PHACTR3: variants seen among roughly 807,000 people sequenced by gnomAD.
PHACTR3 encodes phosphatase and actin regulator 3.
PHACTR3 carries 16 observed loss-of-function variants against 66.8 expected under a neutral mutation model. The observed-to-expected ratio is 0.24, with a 90% CI of 0.16 to 0.36. The LOEUF (loss-of-function observed/expected upper bound fraction) is 0.36, where lower values mean the gene tolerates loss of function less well. Among genes scored for constraint, PHACTR3 ranks in the 10% least tolerant of loss-of-function variants. The pLI, the probability that PHACTR3 is intolerant of heterozygous loss-of-function variation, is 1.00. For missense variants in PHACTR3, 647 were observed against 719.9 expected (o/e 0.90, Z 1.16); for synonymous variants, 323 against 292.1 (o/e 1.11, Z -1.08).
Position 59,847,187 on chromosome 20 carries a change from C to G in PHACTR3, c.*57C>G, listed in dbSNP as rs2059165970. 3 of 1,316,724 alleles carry G rather than the reference C, an allele frequency of 2.3e-6. No individual in the cohort carries two copies. Among genetic ancestry groups the G allele is most frequent in the South Asian group, 2.5e-5 (2 of 78,648 alleles). The allele number at this position is 1,316,724 out of a possible 1,614,324, so 81.6% of individuals were successfully genotyped here. On this transcript the variant is annotated 3_prime_UTR_variant, in exon 13 of 13. Coordinates refer to ENST00000371015, the MANE Select transcript of PHACTR3 (RefSeq NM_080672.5). ...TTTTTTGATACCAACACTGAACATTCATCAGGGAACTTTCCTGAAGTTCAG... is the reference window on the plus strand; with the variant it reads ...TTTTTTGATACCAACACTGAACATTGATCAGGGAACTTTCCTGAAGTTCAG...
At chr20:59,585,167 T>G (rs1039203665) in intron 1 of PHACTR3, among the ~76,000 whole-genome samples, 1 of 152,156 alleles carries the variant, frequency 6.6e-6, no homozygotes, top group African/African-American at 2.4e-5. Context: ...TCACCGCTTA[T>G]GATCTGGCTT....
chr20:59,809,794 A>C (rs890686998), intron 8 of PHACTR3, among the ~76,000 whole-genome samples: 1 of 152,188 alleles, frequency 6.6e-6, no homozygotes, highest in African/African-American at 2.4e-5. Flanking sequence ...GTGATGAAGT[A>C]GCTGTAGACA....
Position 59,604,862 on chromosome 20 carries a change from G to T in PHACTR3, c.-153G>T, listed in dbSNP as rs1462468742. 5.0e-6 allele frequency: 6 copies of T among 1,194,544 alleles called. No individual in the cohort carries two copies. The African/African-American group carries it at 1.0e-4, about 20-fold the overall frequency. 74.0% of individuals were successfully genotyped at this position (1,194,544 alleles called of 1,614,324 possible). A position where few individuals can be genotyped will look rare whatever the true frequency, so the allele number is the denominator to read the frequency against. ...CAGCCCCGGCGTCTTTCTCCAGCTC[G>T]TTTCCTTTCCCGGCCTTTTTTTTTT... On this transcript the variant is annotated 5_prime_UTR_variant, in exon 1 of 13. Transcript: ENST00000371015.
At chr20:59,805,195 T>C (rs1483574555) in intron 7 of PHACTR3, among the ~76,000 whole-genome samples, 1 of 152,162 alleles carries the variant, frequency 6.6e-6, no homozygotes. Flanking sequence ...CCTAAGTAAA[T>C]ATAAACATTC....
chr20:59,697,965 A>G (rs2037360680), intron 1 of PHACTR3, among the ~76,000 whole-genome samples: 1 of 152,154 alleles, frequency 6.6e-6, no homozygotes, highest in African/African-American at 2.4e-5. Flanking sequence ...GTTTGGCAAT[A>G]TCAAGTAAAA....
chr20:59,744,746 C>A (rs1186894840), intron 2 of PHACTR3, among the ~76,000 whole-genome samples: 5 of 152,242 alleles, frequency 3.3e-5, no homozygotes, highest in African/African-American at 1.2e-4. Context: ...CAAGCATCAT[C>A]ATTCGGCAGA....
chr20:59,652,187 C>T (rs533067522), intron 1 of PHACTR3, among the ~76,000 whole-genome samples: 1 of 152,266 alleles, frequency 6.6e-6, no homozygotes, highest in African/African-American at 2.4e-5. Context: ...TCTATCAGGT[C>T]GGATGTTGCT....
intron 1 of PHACTR3, among the ~76,000 whole-genome samples, chr20:59,582,703 A>G (rs2032895957): frequency 1.3e-5 from 2 of 151,970 alleles, no homozygotes; most frequent in Non-Finnish European, 1.5e-5. Flanking sequence ...GGCCATTTGG[A>G]TTTCACTCTC....
chr20:59,735,667 G>A (rs2038919814), intron 1 of PHACTR3, among the ~76,000 whole-genome samples: 1 of 152,156 alleles, frequency 6.6e-6, no homozygotes. Flanking sequence ...GATTCACAGG[G>A]TCGAGCAGGT....
At chr20:59,693,707 T>G (rs2146588042) in intron 1 of PHACTR3, among the ~76,000 whole-genome samples, 1 of 152,316 alleles carries the variant, frequency 6.6e-6, no homozygotes, top group South Asian at 2.1e-4. Flanking sequence ...CAATCTTGGC[T>G]GGGCCCCTGC....
intron 5 of PHACTR3, 55 bp downstream of exon 5, chr20:59,767,450 A>G (rs2040217359): frequency 2.0e-6 from 3 of 1,538,362 alleles, no homozygotes; most frequent in African/African-American, 2.7e-5. Context: ...CCATCCATCC[A>G]TCTATCCTAC....
At chr20:59,841,325 G>T (rs1056492619) in intron 10 of PHACTR3, 70 bp from the exon 11 acceptor site, 4 of 1,453,902 alleles carry the variant, frequency 2.8e-6, no homozygotes, top group Non-Finnish European at 3.7e-6. Context: ...GAGAAGTGCT[G>T]TTTGTTCAGA....
At chr20:59,605,345 C>T (rs1011507363) in intron 1 of PHACTR3, among the ~76,000 whole-genome samples, 2 of 152,226 alleles carry the variant, frequency 1.3e-5, no homozygotes, top group Non-Finnish European at 2.9e-5. Flanking sequence ...TGGGTAGAGC[C>T]GGGCGCTGCA....
rs539949773 is a variant in PHACTR3, at chr20:59,718,911, C to G, written c.119-24196C>G. Among the ~76,000 whole-genome samples the G allele has an allele frequency of 3.1e-3, 475 of 152,354 alleles. 3 individuals are homozygous for G. Among genetic ancestry groups the G allele is most frequent in the South Asian group, 6.2e-3 (30 of 4,830 alleles). ...TGGCCTACGCATGGGCGTGTTGTCA[C>G]CAGAAAGCGTCTCTGCTCCTCCAAG... On this transcript the variant is annotated intron_variant, in intron 1 of 12. Coordinates refer to ENST00000371015, the MANE Select transcript of PHACTR3 (RefSeq NM_080672.5).
intron 1 of PHACTR3, among the ~76,000 whole-genome samples, chr20:59,609,489 C>G (rs1390500804): frequency 6.7e-6 from 1 of 149,742 alleles, no homozygotes; most frequent in Non-Finnish European, 1.5e-5. Context: ...CACCCCCACC[C>G]TCACCCCCAC....
intron 4 of PHACTR3, among the ~76,000 whole-genome samples, chr20:59,756,989 T>C (rs376062594): frequency 7.9e-5 from 12 of 152,144 alleles, no homozygotes; most frequent in East Asian, 7.7e-4. Flanking sequence ...ATCCAGAATC[T>C]ACGAAGAATT....
intron 1 of PHACTR3, among the ~76,000 whole-genome samples, chr20:59,647,170 C>G (rs555289695): frequency 6.6e-6 from 1 of 152,152 alleles, no homozygotes; most frequent in Non-Finnish European, 1.5e-5. Flanking sequence ...ACAATCATGG[C>G]GGAAGGCAAA....
At chr20:59,625,618 G>A (rs1600945883) in intron 1 of PHACTR3, among the ~76,000 whole-genome samples, 1 of 152,214 alleles carries the variant, frequency 6.6e-6, no homozygotes, top group East Asian at 1.9e-4. Flanking sequence ...TTAGGGATTT[G>A]CCCAACTCCC....
chr20:59,805,902 C>A, intron 7 of PHACTR3, 139 bp from the exon 8 acceptor site: 1 of 886,176 alleles, frequency 1.1e-6, no homozygotes, highest in Admixed American at 2.4e-5. Context: ...GAGCGTGTGT[C>A]CTCTCAGTTC....
Sources: allele counts gnomAD v4.1 joint callset (sites outside exome capture counted in the v4.1 genomes callset), GRCh38; gene constraint gnomAD v4.1.1; transcripts MANE v1.5; gene names NCBI Gene and HGNC (gene_info 2026-07-23, HGNC 2026-07-21).